Variants in RBFOX1 observed in about 807,000 individuals in gnomAD.
The protein encoded by RBFOX1 is RNA binding fox-1 homolog 1.
Under a neutral mutation model 57.7 loss-of-function variants are expected in RBFOX1, and 8 were observed. The observed-to-expected ratio is 0.14, with a 90% CI of 0.08 to 0.25. The LOEUF is 0.25. Ranked by LOEUF, RBFOX1 falls within the 10% of genes least tolerant of loss-of-function variation. The pLI, the probability that RBFOX1 is intolerant of heterozygous loss-of-function variation, is 1.00. For missense variants in RBFOX1, 611 were observed against 548.5 expected (o/e 1.11, Z -1.14); for synonymous variants, 326 against 222.4 (o/e 1.47, Z -4.15).
At chr16:6,235,036 C>G (rs1342912566) in intron 1 of RBFOX1, among the ~76,000 whole-genome samples, 1 of 152,060 alleles carries the variant, frequency 6.6e-6, no homozygotes, top group Non-Finnish European at 1.5e-5. Flanking sequence ...AGAGAGGGAT[C>G]TAAAGATTGG....
chr16:5,884,477 C>A (rs954588924), intron 4 of RBFOX1, among the ~76,000 whole-genome samples: 1 of 149,926 alleles, frequency 6.7e-6, no homozygotes, highest in East Asian at 2.0e-4. Context: ...CCCCTACCCC[C>A]GCCCCCGGCT....
chr16:5,543,710 C>T (rs184010236), intron 2 of RBFOX1, among the ~76,000 whole-genome samples: 8 of 151,976 alleles, frequency 5.3e-5, no homozygotes, highest in African/African-American at 1.7e-4. Context: ...AGAAGAGACA[C>T]GAAGAAAACT....
chr16:7,591,584 A>G (rs1382378555), intron 7 of RBFOX1, among the ~76,000 whole-genome samples: 1 of 152,148 alleles, frequency 6.6e-6, no homozygotes, highest in Admixed American at 6.5e-5. Flanking sequence ...TATCTGCCCT[A>G]CTGATTATAC....
chr16:7,049,365 C>T (rs1331879705), intron 3 of RBFOX1, among the ~76,000 whole-genome samples: 1 of 152,050 alleles, frequency 6.6e-6, no homozygotes, highest in Non-Finnish European at 1.5e-5. Flanking sequence ...CTGCAGCCAC[C>T]CCTGTTGCCA....
At chr16:7,091,213 A>T (rs997771000) in intron 4 of RBFOX1, among the ~76,000 whole-genome samples, 1 of 151,358 alleles carries the variant, frequency 6.6e-6, no homozygotes, top group African/African-American at 2.4e-5. Context: ...TTCCAAGTAC[A>T]CTTCCTCTGT....
chr16:6,543,120 A>T (rs1384826969), intron 2 of RBFOX1, among the ~76,000 whole-genome samples: 2 of 152,182 alleles, frequency 1.3e-5, no homozygotes. Flanking sequence ...TTAGCAGATA[A>T]GGAGAGTTAC....
At chr16:6,890,352 C>G (rs879695374) in intron 3 of RBFOX1, among the ~76,000 whole-genome samples, 6 of 152,120 alleles carry the variant, frequency 3.9e-5, no homozygotes, top group South Asian at 2.1e-4. Context: ...AACCCCGTCT[C>G]TACTAAAAAT....
chr16:5,730,968 A>C (rs117254158), intron 3 of RBFOX1, among the ~76,000 whole-genome samples: 1 of 148,442 alleles, frequency 6.7e-6, no homozygotes, highest in East Asian at 1.9e-4. Flanking sequence ...CACCGTCATC[A>C]TCGTTACCGT....
At chr16:6,753,330 A>G (rs2075267042) in intron 3 of RBFOX1, among the ~76,000 whole-genome samples, 1 of 152,214 alleles carries the variant, frequency 6.6e-6, no homozygotes, top group Non-Finnish European at 1.5e-5. Context: ...TGAGATTTGC[A>G]TACTGCAGTA....
At chr16:5,603,927 C>G (rs916034148), downstream of RBFOX1, among the ~76,000 whole-genome samples, 2 of 152,076 alleles carry the variant, frequency 1.3e-5, no homozygotes, top group African/African-American at 4.8e-5. Flanking sequence ...ATAGTAGAAA[C>G]TATACCCTCC....
intron 3 of RBFOX1, among the ~76,000 whole-genome samples, chr16:5,646,370 C>T (rs752721237): frequency 6.6e-6 from 1 of 151,962 alleles, no homozygotes; most frequent in Non-Finnish European, 1.5e-5. Context: ...ACCTCCTTGA[C>T]TAAAGCAGTC....
intron 4 of RBFOX1, among the ~76,000 whole-genome samples, chr16:7,289,736 C>G (rs1401038671): frequency 6.6e-6 from 1 of 152,066 alleles, no homozygotes; most frequent in Non-Finnish European, 1.5e-5. Context: ...GGGGTTGCAC[C>G]AAGAAATTTA....
intron 2 of RBFOX1, among the ~76,000 whole-genome samples, chr16:6,343,185 C>T (rs1041689710): frequency 4.6e-5 from 7 of 152,098 alleles, no homozygotes; most frequent in East Asian, 3.8e-4. Flanking sequence ...ATCAGAAATT[C>T]GGGGAAAAAT....
intron 3 of RBFOX1, among the ~76,000 whole-genome samples, chr16:6,808,940 A>T (rs2087681749): frequency 6.6e-6 from 1 of 152,082 alleles, no homozygotes; most frequent in Admixed American, 6.5e-5. Flanking sequence ...CCTGAGAAGG[A>T]CTCTGTACTT....
intron 4 of RBFOX1, among the ~76,000 whole-genome samples, chr16:7,327,279 G>A (rs766881768): frequency 4.6e-5 from 7 of 152,158 alleles, no homozygotes; most frequent in Admixed American, 1.3e-4. Flanking sequence ...AGAGGTATTT[G>A]GCAAAGATAA....
intron 3 of RBFOX1, among the ~76,000 whole-genome samples, chr16:6,675,333 C>G (rs1215567674): frequency 6.6e-6 from 1 of 152,128 alleles, no homozygotes; most frequent in Non-Finnish European, 1.5e-5. Flanking sequence ...GGTGCTCTTG[C>G]AAATGTCATC....
intron 4 of RBFOX1, among the ~76,000 whole-genome samples, chr16:7,396,432 A>T (rs1229852489): frequency 2.0e-5 from 3 of 151,804 alleles, no homozygotes; most frequent in African/African-American, 7.3e-5. Context: ...GCATCTTTTC[A>T]CAGACTCCCA....
chr16:5,309,686 C>G (rs2151217904), intron 1 of RBFOX1, among the ~76,000 whole-genome samples: 1 of 152,192 alleles, frequency 6.6e-6, no homozygotes, highest in East Asian at 1.9e-4. Flanking sequence ...TTCTGAGTCT[C>G]TGGTTTGGTA....
intron 3 of RBFOX1, among the ~76,000 whole-genome samples, chr16:6,660,030 C>G (rs548878846): frequency 4.4e-4 from 67 of 151,932 alleles, no homozygotes; most frequent in African/African-American, 1.6e-3. Flanking sequence ...TTCGAGACCA[C>G]CATGGCCAAC....
Sources: gnomAD v4.1 joint callset for allele counts (sites outside exome capture counted in the v4.1 genomes callset) on GRCh38, gnomAD v4.1.1 for gene constraint, MANE v1.5 for transcripts, NCBI Gene and HGNC (gene_info 2026-07-23, HGNC 2026-07-21) for gene names.